Variants in DPP6 observed in about 807,000 individuals in gnomAD.
DPP6 encodes the protein A-type potassium channel modulatory protein DPP6.
Under a neutral mutation model 122.6 loss-of-function variants are expected in DPP6, and 69 were observed. The observed-to-expected ratio is 0.56, with a 90% CI of 0.46 to 0.69. The LOEUF is 0.69. Among genes scored for constraint, DPP6 ranks in the 30% least tolerant of loss-of-function variants. The pLI is 0.00. For synonymous variants in DPP6, 418 were observed against 433.1 expected (o/e 0.97, Z 0.43); for missense variants, 928 against 1,116.9 (o/e 0.83, Z 2.41).
At chr7:154,451,379 A>G (rs35849634) in intron 2 of DPP6, among the ~76,000 whole-genome samples, 43,701 of 148,948 alleles carry the variant, frequency 0.29, 7,634 homozygotes, top group African/African-American at 0.47. Context: ...AAAAAAAAAA[A>G]AGTGGAATTA....
At chr7:154,637,699 A>G in intron 5 of DPP6, 122 bp from the exon 6 acceptor site, 1 of 906,424 alleles carries the variant, frequency 1.1e-6, no homozygotes, top group South Asian at 1.9e-5. Flanking sequence ...CTTTGTCTCC[A>G]GGTGTTGGGA....
chr7:153,888,242 G>A (rs1385922680), intron 1 of DPP6, among the ~76,000 whole-genome samples: 3 of 152,322 alleles, frequency 2.0e-5, no homozygotes, highest in African/African-American at 7.2e-5. Flanking sequence ...CTCCGTTCCA[G>A]ACGCCGCCGC....
Position 154,241,034 on chromosome 7 carries a change from A to T in DPP6, c.243+187971A>T, listed in dbSNP as rs1476921146. On this transcript the variant is annotated intron_variant, in intron 1 of 25. Transcript: ENST00000377770. The surrounding 1 kb of genome is among the most constrained non-coding windows in gnomAD (Gnocchi z 9.0). ...ATAGTAGGCCAGCTCATTCTCAGTCATTATGTGATTTGTTGGAATATTGTG... is the reference window on the plus strand; with the variant it reads ...ATAGTAGGCCAGCTCATTCTCAGTCTTTATGTGATTTGTTGGAATATTGTG... Among the ~76,000 whole-genome samples the T allele has an allele frequency of 6.6e-6, 1 of 152,198 alleles. No individual in the cohort carries two copies. The highest frequency in any genetic ancestry group is 1.5e-5 in the Non-Finnish European group (1 of 68,030).
At chr7:154,295,587 A>G (rs1217556707) in intron 1 of DPP6, among the ~76,000 whole-genome samples, 4 of 152,142 alleles carry the variant, frequency 2.6e-5, no homozygotes, top group Non-Finnish European at 4.4e-5. Context: ...ACCAGCATCA[A>G]TGATCCTAGC....
chr7:154,437,299 C>T (rs192777794), intron 1 of DPP6, among the ~76,000 whole-genome samples: 1 of 152,246 alleles, frequency 6.6e-6, no homozygotes, highest in African/African-American at 2.4e-5. Flanking sequence ...CATTCTAGGC[C>T]AGCTATAGTT....
At chr7:153,892,318 ATTT>A (rs5888534) in intron 1 of DPP6, among the ~76,000 whole-genome samples, 2 of 148,822 alleles carry the variant, frequency 1.3e-5, no homozygotes, top group East Asian at 3.9e-4. Flanking sequence ...AGCTTCTATT[ATTT>A]TTTTTTTTCT....
chr7:153,804,108 G>A, the DPP6 span, among the ~76,000 whole-genome samples: 2 of 151,258 alleles, frequency 1.3e-5, no homozygotes. Context: ...GGAGTGCAGT[G>A]GTGTGATCTC....
chr7:154,748,404 CT>C (rs1843139012), intron 8 of DPP6, among the ~76,000 whole-genome samples: 1 of 152,220 alleles, frequency 6.6e-6, no homozygotes, highest in African/African-American at 2.4e-5. Context: ...TACCCTTCCC[CT>C]CCCATCCTCC....
intron 3 of DPP6, among the ~76,000 whole-genome samples, chr7:154,491,485 G>T (rs768283492): frequency 1.3e-5 from 2 of 152,120 alleles, no homozygotes; most frequent in Non-Finnish European, 2.9e-5. Context: ...TCACTTTGAG[G>T]CTCAAGTAAA....
chr7:154,626,636 A>G (rs1417398623), intron 5 of DPP6, among the ~76,000 whole-genome samples: 1 of 152,218 alleles, frequency 6.6e-6, no homozygotes, highest in African/African-American at 2.4e-5. Flanking sequence ...CAGGTTCAAG[A>G]AGAACTCACC....
chr7:154,060,893 C>T lies in DPP6; in HGVS notation c.243+7830C>T, dbSNP rs373413964. Among the ~76,000 whole-genome samples the T allele has an allele frequency of 2.1e-5, 3 of 145,030 alleles. 1 individual carries two copies. Among genetic ancestry groups the T allele is most frequent in the Non-Finnish European group, 4.6e-5 (3 of 64,522 alleles). The stretch of plus-strand genomic sequence containing the variant: ...CATCACAGAGTGGGGAGGCACCCCC[C>T]ACGAGGCGGGGACTGAGAGCCAGAC... On this transcript the variant is annotated intron_variant, in intron 1 of 25. Coordinates refer to ENST00000377770, the MANE Select transcript of DPP6 (RefSeq NM_130797.4).
At chr7:154,112,774 A>G (rs1314541055) in intron 1 of DPP6, among the ~76,000 whole-genome samples, 2 of 152,196 alleles carry the variant, frequency 1.3e-5, no homozygotes, top group East Asian at 1.9e-4. Context: ...CATGAGATCT[A>G]CCCTCTCCAT....
intron 1 of DPP6, among the ~76,000 whole-genome samples, chr7:154,290,044 C>T (rs375858375): frequency 2.6e-5 from 4 of 152,114 alleles, no homozygotes; most frequent in Non-Finnish European, 4.4e-5. Flanking sequence ...CCCATCATTA[C>T]GAAATCATTT....
chr7:153,966,554 CTTTTTTTTTTTTTTTTTTTTTT>C (rs753840054), intron 1 of DPP6, among the ~76,000 whole-genome samples: 2 of 41,366 alleles, frequency 4.8e-5, no homozygotes, highest in Non-Finnish European at 7.5e-5. Context: ...CCTGTGTTGG[CTTTTTTTTTTTTTTTTTTTTTT>C]TTTTTTTTTT....
rs146439433 is a variant in DPP6 at position 154,295,944 on chromosome 7, C to CTT, written c.244-150253_244-150252dup. Reference sequence around the variant, plus strand: ...TCTGTGTATGCATAAACAGTTGCTTCTTTTTTTTTTTTTTTTTTGAGACAG... The same window carrying CTT: ...TCTGTGTATGCATAAACAGTTGCTTCTTTTTTTTTTTTTTTTTTTTGAGACAG... On this transcript the variant is annotated intron_variant, in intron 1 of 25. Coordinates refer to ENST00000377770, the MANE Select transcript of DPP6 (RefSeq NM_130797.4). 4.4e-5 allele frequency among the ~76,000 whole-genome samples: 5 copies of CTT among 112,786 alleles called. No homozygotes were observed. The Admixed American group carries it at 4.6e-4, about 10-fold the overall frequency. The allele number at this position is 112,786 out of a possible 152,430, so 74.0% of individuals were successfully genotyped here. A position where few individuals can be genotyped will look rare whatever the true frequency, so the allele number is the denominator to read the frequency against.
chr7:153,840,435 C>A, the DPP6 span, among the ~76,000 whole-genome samples: 1 of 151,692 alleles, frequency 6.6e-6, no homozygotes, highest in Non-Finnish European at 1.5e-5. Flanking sequence ...GATTTTGGTA[C>A]TTGTATGAAT....
At chr7:154,810,357 G>A (rs1175103666) in intron 16 of DPP6, among the ~76,000 whole-genome samples, 1 of 152,196 alleles carries the variant, frequency 6.6e-6, no homozygotes, top group African/African-American at 2.4e-5. Flanking sequence ...GGAAGTTCCA[G>A]TTCCCACATG....
At chr7:154,422,592 G>A (rs1394672324) in intron 1 of DPP6, among the ~76,000 whole-genome samples, 1 of 151,932 alleles carries the variant, frequency 6.6e-6, no homozygotes, top group African/African-American at 2.4e-5. Context: ...GGGTCAATGG[G>A]TAGATGGATG....
At chr7:154,526,565 T>C (rs1055645774) in intron 3 of DPP6, among the ~76,000 whole-genome samples, 2 of 152,220 alleles carry the variant, frequency 1.3e-5, no homozygotes, top group African/African-American at 4.8e-5. Context: ...TATTTAATTT[T>C]AATTAATTTT....
Sources: allele counts gnomAD v4.1 joint callset (sites outside exome capture counted in the v4.1 genomes callset), GRCh38; gene constraint gnomAD v4.1.1; non-coding constraint Gnocchi (gnomAD v3.1); transcripts MANE v1.5; gene names NCBI Gene and HGNC (gene_info 2026-07-23, HGNC 2026-07-21).